The following SGCZ variants were observed in gnomAD, a reference collection of about 807,000 sequenced individuals.
SGCZ encodes the protein zeta-sarcoglycan.
SGCZ carries 40 observed loss-of-function variants against 41.3 expected under a neutral mutation model. The observed-to-expected ratio is 0.97, with a 90% CI of 0.75 to 1.26. The LOEUF (loss-of-function observed/expected upper bound fraction) is 1.26. SGCZ is among the 50% of genes most tolerant of loss of function. The pLI, the probability that SGCZ is intolerant of heterozygous loss-of-function variation, is 0.00. For missense variants in SGCZ, 552 were observed against 369.8 expected (o/e 1.49, Z -4.04); for synonymous variants, 206 against 137.5 (o/e 1.50, Z -3.49).
At chr8:14,243,493 A>C (rs1334782299) in intron 3 of SGCZ, among the ~76,000 whole-genome samples, 2 of 152,244 alleles carry the variant, frequency 1.3e-5, no homozygotes, top group East Asian at 3.9e-4. Context: ...GAATGAAAAG[A>C]AAACAAAACA....
At chr8:14,712,384 AT>A (rs1809549255) in intron 1 of SGCZ, among the ~76,000 whole-genome samples, 2 of 152,314 alleles carry the variant, frequency 1.3e-5, no homozygotes, top group South Asian at 4.1e-4. Context: ...CATGGAAACC[AT>A]TTTTACAGAG....
intron 1 of SGCZ, among the ~76,000 whole-genome samples, chr8:14,618,021 G>A (rs1447971055): frequency 6.6e-6 from 1 of 151,892 alleles, no homozygotes. Flanking sequence ...CCATTTTTCT[G>A]AGAAAAATGG....
intron 2 of SGCZ, among the ~76,000 whole-genome samples, chr8:14,455,630 A>C (rs1251866476): frequency 6.6e-6 from 1 of 152,210 alleles, no homozygotes; most frequent in East Asian, 1.9e-4. Context: ...ATACCCCAAT[A>C]ATATGGAAAT....
chr8:14,640,908 C>T (rs1218438031), intron 1 of SGCZ, among the ~76,000 whole-genome samples: 1 of 151,612 alleles, frequency 6.6e-6, no homozygotes, highest in Non-Finnish European at 1.5e-5. Flanking sequence ...TTTAGAATAT[C>T]TGGAAATGTG....
chr8:14,967,710 AG>A (rs1010573013), intron 1 of SGCZ, among the ~76,000 whole-genome samples: 1 of 152,168 alleles, frequency 6.6e-6, no homozygotes, highest in African/African-American at 2.4e-5. Context: ...GAAGTATATA[AG>A]CCCCATAGAG....
chr8:15,046,097 C>T (rs1305079238), intron 1 of SGCZ, among the ~76,000 whole-genome samples: 2 of 152,000 alleles, frequency 1.3e-5, no homozygotes, highest in Non-Finnish European at 2.9e-5. Context: ...TGGCTACTTG[C>T]CTTCAGACTG....
intron 4 of SGCZ, among the ~76,000 whole-genome samples, chr8:14,180,280 G>T (rs1324264320): frequency 6.6e-6 from 1 of 152,136 alleles, no homozygotes; most frequent in African/African-American, 2.4e-5. Flanking sequence ...CTGCAGAAAT[G>T]ACACACTTAT....
intron 1 of SGCZ, among the ~76,000 whole-genome samples, chr8:15,219,100 A>G (rs1182277731): frequency 6.6e-6 from 1 of 152,206 alleles, no homozygotes; most frequent in African/African-American, 2.4e-5. Context: ...AAATCAAATT[A>G]TATTCAATAA....
intron 2 of SGCZ, among the ~76,000 whole-genome samples, chr8:14,489,311 C>T (rs1278667581): frequency 1.3e-5 from 2 of 151,964 alleles, no homozygotes; most frequent in Non-Finnish European, 2.9e-5. Context: ...ATATTTCTTT[C>T]GGTGGCCACA....
chr8:14,140,407 A>G (rs1261351872), intron 5 of SGCZ, among the ~76,000 whole-genome samples: 1 of 152,208 alleles, frequency 6.6e-6, no homozygotes, highest in African/African-American at 2.4e-5. Flanking sequence ...ACATGATTGT[A>G]TATCTAGAAA....
At chr8:14,316,677 T>C (rs1801726745) in intron 3 of SGCZ, among the ~76,000 whole-genome samples, 1 of 151,964 alleles carries the variant, frequency 6.6e-6, no homozygotes, top group African/African-American at 2.4e-5. Flanking sequence ...CTTTGTGTCT[T>C]AGACTGTGAT....
intron 1 of SGCZ, among the ~76,000 whole-genome samples, chr8:14,589,770 G>C (rs1805182269): frequency 6.6e-6 from 1 of 152,092 alleles, no homozygotes; most frequent in African/African-American, 2.4e-5. Context: ...TTCTACTAGG[G>C]AGATGTATAT....
intron 3 of SGCZ, chr8:14,319,450 A>C (rs1205300958): frequency 1.3e-5 from 2 of 152,040 alleles, no homozygotes; most frequent in Non-Finnish European, 2.9e-5. Context: ...TAAAAAACCA[A>C]CTAGCACTGT....
chr8:14,443,347 C>T (rs953091384), intron 2 of SGCZ, among the ~76,000 whole-genome samples: 22 of 152,084 alleles, frequency 1.4e-4, no homozygotes, highest in East Asian at 5.8e-4. Flanking sequence ...GAGCCCGCAT[C>T]GCCAAGTCAA....
chr8:15,027,433 A>G (rs1803498691), intron 1 of SGCZ, among the ~76,000 whole-genome samples: 1 of 152,104 alleles, frequency 6.6e-6, no homozygotes, highest in African/African-American at 2.4e-5. Flanking sequence ...AATATACCAT[A>G]TCCATGACAC....
intron 1 of SGCZ, among the ~76,000 whole-genome samples, chr8:14,995,364 C>T (rs1020179365): frequency 1.3e-5 from 2 of 152,184 alleles, no homozygotes; most frequent in African/African-American, 4.8e-5. Context: ...GAAAGTAAAA[C>T]TCCATTAATG....
chr8:14,948,439 A>C (rs1800524816), intron 1 of SGCZ, among the ~76,000 whole-genome samples: 5 of 151,934 alleles, frequency 3.3e-5, no homozygotes, highest in Admixed American at 2.6e-4. Context: ...TACTTTGAAA[A>C]GATTGTCCTC....
At chr8:14,547,037 T>C (rs1803652014) in intron 2 of SGCZ, among the ~76,000 whole-genome samples, 1 of 151,964 alleles carries the variant, frequency 6.6e-6, no homozygotes, top group South Asian at 2.1e-4. Context: ...AAAAAAAAAG[T>C]ACCTAATATG....
chr8:14,309,203 C>T (rs1801445007), intron 3 of SGCZ: 2 of 1,490,192 alleles, frequency 1.3e-6, no homozygotes, highest in Admixed American at 3.4e-5. Flanking sequence ...CCTGCTGCGG[C>T]TGATCTCTAA....
Sources: allele counts gnomAD v4.1 joint callset (sites outside exome capture counted in the v4.1 genomes callset), GRCh38; gene constraint gnomAD v4.1.1; transcripts MANE v1.5; gene names NCBI Gene and HGNC (gene_info 2026-07-23, HGNC 2026-07-21).